The following SUMF1 variants were observed in gnomAD, a reference collection of about 807,000 sequenced individuals.
SUMF1 encodes the protein sulfatase modifying factor 1, also known as formylglycine-generating enzyme.
SUMF1 carries 48 observed loss-of-function variants against 47.6 expected under a neutral mutation model. The observed-to-expected ratio is 1.01, with a 90% CI of 0.80 to 1.28. The LOEUF (loss-of-function observed/expected upper bound fraction) is 1.28. SUMF1 is among the 50% of genes most tolerant of loss of function. SUMF1 has a pLI of 0.00. For synonymous variants in SUMF1, 230 were observed against 192.1 expected, an observed-to-expected ratio of 1.20 and a Z score of -1.63; for missense variants, 571 against 485.4, an observed-to-expected ratio of 1.18 and a Z score of -1.66.
chr3:4,268,654 CCT>C (rs1697246507), intron 8 of SUMF1, among the ~76,000 whole-genome samples: 1 of 151,156 alleles, frequency 6.6e-6, no homozygotes, highest in South Asian at 2.1e-4. Context: ...TATTACTTCC[CCT>C]GTTTACATAC....
chr3:4,064,286 A>C (rs814277), intron 9 of SUMF1, among the ~76,000 whole-genome samples: 148,390 of 152,148 alleles, frequency 0.98, 72,455 homozygotes, highest in Middle Eastern at 1. Flanking sequence ...ATCCTCACTG[A>C]TCATTATATG....
At chr3:4,119,324 G>T (rs896029837) in intron 8 of SUMF1, among the ~76,000 whole-genome samples, 1 of 152,104 alleles carries the variant, frequency 6.6e-6, no homozygotes, top group African/African-American at 2.4e-5. Flanking sequence ...CTGCTTAAAA[G>T]CTTTCAACAG....
At chr3:4,040,072 ATTT>A (rs1173966850) in intron 9 of SUMF1, among the ~76,000 whole-genome samples, 1 of 152,074 alleles carries the variant, frequency 6.6e-6, no homozygotes, top group Non-Finnish European at 1.5e-5. Flanking sequence ...GATCTTAAGT[ATTT>A]TTACCACACA....
chr3:4,198,353 T>C (rs959047491), intron 8 of SUMF1, among the ~76,000 whole-genome samples: 1 of 152,152 alleles, frequency 6.6e-6, no homozygotes. Flanking sequence ...GAGATCATTC[T>C]GAAGGAAGTT....
At chr3:4,446,141 A>G (rs2125115495) in intron 3 of SUMF1, among the ~76,000 whole-genome samples, 1 of 152,322 alleles carries the variant, frequency 6.6e-6, no homozygotes, top group Middle Eastern at 3.4e-3. Context: ...GAAAAAGATT[A>G]GATTATCACC....
intron 9 of SUMF1, among the ~76,000 whole-genome samples, chr3:4,046,814 T>C (rs976547843): frequency 6.6e-6 from 1 of 151,608 alleles, no homozygotes; most frequent in Non-Finnish European, 1.5e-5. Flanking sequence ...GCCTATTCTA[T>C]ATACCATGGC....
intron 1 of SUMF1, among the ~76,000 whole-genome samples, chr3:4,457,001 T>TATATATACGTGTGTGTAC (rs1559313190): frequency 4.5e-4 from 66 of 145,114 alleles, no homozygotes; most frequent in Non-Finnish European, 8.0e-4. Flanking sequence ...CGTGTGTGTA[T>TATATATACGTGTGTGTAC]ATATATACGT....
At chr3:4,311,782 A>G (rs7632080) in intron 8 of SUMF1, among the ~76,000 whole-genome samples, 24,790 of 152,172 alleles carry the variant, frequency 0.16, 2,238 homozygotes, top group Middle Eastern at 0.23. Context: ...TTACCTGTTT[A>G]TAAGTCTCAT....
chr3:4,113,131 T>C (rs1693348078), intron 8 of SUMF1, among the ~76,000 whole-genome samples: 1 of 152,110 alleles, frequency 6.6e-6, no homozygotes, highest in African/African-American at 2.4e-5. Flanking sequence ...ATGCATAGAA[T>C]GTGTAATAAT....
intron 8 of SUMF1, among the ~76,000 whole-genome samples, chr3:4,134,735 A>G (rs995424781): frequency 6.6e-6 from 1 of 152,144 alleles, no homozygotes; most frequent in African/African-American, 2.4e-5. Context: ...CAAGACTAAT[A>G]AAGAAGAAAA....
In SUMF1 at chr3:4,155,991, C is replaced by G. The variant is rs950494138; in HGVS notation, c.1015-87246G>C. Reference sequence around the variant, plus strand: ...AACACTTGACCAAAGCTGGGCCCAGCAGTCTAGTTAGGAATTTTGTTTTTC... The same window carrying G: ...AACACTTGACCAAAGCTGGGCCCAGGAGTCTAGTTAGGAATTTTGTTTTTC... On this transcript the variant is annotated intron_variant and NMD_transcript_variant, in intron 8 of 12. Coordinates refer to the SUMF1 transcript ENST00000448413. 1.4e-4 allele frequency among the ~76,000 whole-genome samples: 21 copies of G among 151,422 alleles called. No homozygotes were observed. In the East Asian group the frequency reaches 4.1e-3, roughly 29 times the overall value.
At chr3:4,039,428 T>C (rs1226990988) in intron 9 of SUMF1, among the ~76,000 whole-genome samples, 1 of 94,566 alleles carries the variant, frequency 1.1e-5, no homozygotes, top group Non-Finnish European at 2.1e-5. Flanking sequence ...TGTGTCCATG[T>C]GATCTCATTG....
chr3:4,036,264 C>T (rs1158852828), intron 9 of SUMF1, among the ~76,000 whole-genome samples: 1 of 152,144 alleles, frequency 6.6e-6, no homozygotes. Context: ...ATGGAGACCT[C>T]ATGTTTAGAA....
Position 4,366,454 on chromosome 3 carries a change from A to G in SUMF1, c.1015-4200T>C, listed in dbSNP as rs545486917. On this transcript the variant is annotated intron_variant, in intron 8 of 8. Transcript: ENST00000272902. ...TTCTCTAAACTTCCCTTCTCGCTTC[A>G]TTTCATTCATTTCATCTTCCATCAC... Among the ~76,000 whole-genome samples the G allele has an allele frequency of 1.4e-3, 205 of 151,184 alleles. 1 individual carries two copies. Among genetic ancestry groups the G allele is most frequent in the African/African-American group, 4.8e-3 (197 of 41,156 alleles).
intron 7 of SUMF1, among the ~76,000 whole-genome samples, chr3:4,396,391 T>C (rs1701038958): frequency 6.6e-6 from 1 of 152,108 alleles, no homozygotes; most frequent in South Asian, 2.1e-4. Flanking sequence ...AGATTGCAAA[T>C]AGAAAGTGTC....
chr3:4,276,624 G>A (rs772379162), intron 8 of SUMF1, among the ~76,000 whole-genome samples: 2 of 151,974 alleles, frequency 1.3e-5, no homozygotes, highest in Non-Finnish European at 2.9e-5. Context: ...ATTTATTATT[G>A]CAAGATATAA....
At position 4,248,225 on chromosome 3, in the gene SUMF1, C is replaced by G. The variant is rs115198267; in HGVS notation, c.1014+128105G>C. ...AAAATCAGCCTGAAAACAAAGGAGT[C>G]ATTGCTCAACCTCAACATTCAGAAT... On this transcript the variant is annotated intron_variant and NMD_transcript_variant, in intron 8 of 12. Coordinates refer to the SUMF1 transcript ENST00000448413. 8.8e-3 allele frequency among the ~76,000 whole-genome samples: 1,340 copies of G among 152,230 alleles called. 19 individuals are homozygous for G. Among genetic ancestry groups the G allele is most frequent in the Non-Finnish European group, 0.014 (938 of 67,992 alleles).
At chr3:4,143,038 T>C (rs931964670) in intron 8 of SUMF1, among the ~76,000 whole-genome samples, 2 of 152,096 alleles carry the variant, frequency 1.3e-5, no homozygotes, top group African/African-American at 4.8e-5. Flanking sequence ...TGGAGGTAAG[T>C]GTCCCGCTGC....
rs140311594 is a variant in SUMF1, at chr3:4,392,056, AG to A, written c.955-15668del. 1.1e-3 allele frequency among the ~76,000 whole-genome samples: 170 copies of A among 152,098 alleles called. 2 individuals carry two copies. The East Asian group carries it at 0.029, about 26-fold the overall frequency. On this transcript the variant is annotated intron_variant, in intron 7 of 8. Transcript: ENST00000272902. ...TTACCAGGGTTGGTCTCAAACTCCC[AG>A]GCTCAAGCGATCCACTCGCCTCAGC...
Sources: allele counts gnomAD v4.1 joint callset (sites outside exome capture counted in the v4.1 genomes callset), GRCh38; gene constraint gnomAD v4.1.1; transcripts MANE v1.5; gene names NCBI Gene and HGNC (gene_info 2026-07-23, HGNC 2026-07-21).